DNER: variants seen among roughly 807,000 people sequenced by gnomAD.
The protein encoded by DNER is delta/notch like EGF repeat containing.
Under a neutral mutation model 78.2 loss-of-function variants are expected in DNER, and 33 were observed. The observed-to-expected ratio is 0.42, with a 90% CI of 0.32 to 0.56. DNER has a LOEUF of 0.56. DNER is among the 20% of genes least tolerant of loss of function. The probability of loss-of-function intolerance (pLI) is 0.11; values close to 1 mark genes in which losing one functional copy is unlikely to be tolerated. For synonymous variants in DNER, 417 were observed against 384.8 expected, an observed-to-expected ratio of 1.08 and a Z score of -0.98; for missense variants, 918 against 975.3, an observed-to-expected ratio of 0.94 and a Z score of 0.78.
chr2:229,535,763 C>G (rs1696391225), intron 5 of DNER, among the ~76,000 whole-genome samples: 1 of 152,120 alleles, frequency 6.6e-6, no homozygotes, highest in Non-Finnish European at 1.5e-5. Flanking sequence ...CCTGCCTCAG[C>G]CTCCCTAGTA....
intron 6 of DNER, among the ~76,000 whole-genome samples, chr2:229,502,537 G>C (rs569819846): frequency 6.6e-6 from 1 of 152,242 alleles, no homozygotes; most frequent in South Asian, 2.1e-4. Flanking sequence ...TGGCAGCCCG[G>C]GGAGCTACAA....
chr2:229,613,532 G>A (rs948592573), intron 1 of DNER, among the ~76,000 whole-genome samples: 1 of 152,044 alleles, frequency 6.6e-6, no homozygotes, highest in Non-Finnish European at 1.5e-5. Context: ...CATTTCAGAG[G>A]TGAGACATCT....
intron 11 of DNER, among the ~76,000 whole-genome samples, chr2:229,370,479 T>A (rs721943): frequency 0.72 from 109,495 of 152,082 alleles, 40,091 homozygotes; most frequent in East Asian, 0.91. Flanking sequence ...ACAGGCAGAC[T>A]GAGTAACATA....
intron 1 of DNER, among the ~76,000 whole-genome samples, chr2:229,640,267 T>A (rs1257605492): frequency 6.6e-6 from 1 of 152,240 alleles, no homozygotes; most frequent in Non-Finnish European, 1.5e-5. Flanking sequence ...TGTTCTCAGC[T>A]CTGATTTGCA....
intron 10 of DNER, among the ~76,000 whole-genome samples, chr2:229,389,755 C>T (rs1692976992): frequency 6.6e-6 from 1 of 152,188 alleles, no homozygotes; most frequent in Non-Finnish European, 1.5e-5. Flanking sequence ...ATGTCTGTTT[C>T]ATCTCACACT....
chr2:229,419,472 G>A (rs1186220914), intron 8 of DNER, among the ~76,000 whole-genome samples: 1 of 152,136 alleles, frequency 6.6e-6, no homozygotes, highest in Admixed American at 6.6e-5. Flanking sequence ...CTTTTCCCTA[G>A]CCTTTCCAGC....
chr2:229,675,171 A>G (rs894678829), intron 1 of DNER, among the ~76,000 whole-genome samples: 3 of 152,202 alleles, frequency 2.0e-5, no homozygotes, highest in African/African-American at 7.2e-5. Flanking sequence ...ATATGACAGA[A>G]GCCTCCAAAG....
intron 6 of DNER, among the ~76,000 whole-genome samples, chr2:229,479,450 T>A (rs1695107082): frequency 6.6e-6 from 1 of 152,254 alleles, no homozygotes; most frequent in East Asian, 1.9e-4. Flanking sequence ...CGGTAGCTCA[T>A]GCCTGTAATC....
intron 9 of DNER, among the ~76,000 whole-genome samples, chr2:229,413,607 C>T (rs1020146223): frequency 1.3e-5 from 2 of 151,424 alleles, no homozygotes; most frequent in African/African-American, 4.8e-5. Flanking sequence ...AGGTGTGAGC[C>T]ACCGCCCCCG....
chr2:229,445,202 A>G (rs962396317), intron 8 of DNER, among the ~76,000 whole-genome samples: 7 of 152,234 alleles, frequency 4.6e-5, no homozygotes, highest in African/African-American at 7.2e-5. Context: ...CACATTCCCA[A>G]TAGGTAAGGG....
intron 1 of DNER, among the ~76,000 whole-genome samples, chr2:229,602,732 T>G (rs1697853801): frequency 6.6e-6 from 1 of 152,190 alleles, no homozygotes; most frequent in African/African-American, 2.4e-5. Context: ...AAATTCCTAG[T>G]AATAAATCAA....
intron 11 of DNER, among the ~76,000 whole-genome samples, chr2:229,369,906 C>T (rs1692442873): frequency 6.6e-6 from 1 of 152,088 alleles, no homozygotes; most frequent in Non-Finnish European, 1.5e-5. Flanking sequence ...CACACCACCA[C>T]CACCACCATT....
intron 6 of DNER, among the ~76,000 whole-genome samples, chr2:229,504,334 C>T (rs1342711215): frequency 6.6e-6 from 1 of 152,174 alleles, no homozygotes; most frequent in Non-Finnish European, 1.5e-5. Flanking sequence ...ATTCTCCTGC[C>T]TCAGCCTCCC....
intron 1 of DNER, among the ~76,000 whole-genome samples, chr2:229,675,081 T>C (rs969575770): frequency 6.6e-6 from 1 of 152,206 alleles, no homozygotes; most frequent in African/African-American, 2.4e-5. Flanking sequence ...TGTCGACACA[T>C]GTGCATGTCT....
chr2:229,446,291 C>T (rs1468213727), intron 8 of DNER, among the ~76,000 whole-genome samples: 1 of 152,204 alleles, frequency 6.6e-6, no homozygotes, highest in East Asian at 1.9e-4. Flanking sequence ...CAGTTCCTCC[C>T]AGCCCTAAGG....
At chr2:229,670,354 T>C (rs1406080192) in intron 1 of DNER, among the ~76,000 whole-genome samples, 1 of 152,220 alleles carries the variant, frequency 6.6e-6, no homozygotes, top group Non-Finnish European at 1.5e-5. Context: ...CAAGGCTGCG[T>C]GTGATGCTGC....
chr2:229,384,395 A>G (rs951249708), intron 11 of DNER, among the ~76,000 whole-genome samples: 1 of 152,326 alleles, frequency 6.6e-6, no homozygotes, highest in Middle Eastern at 3.4e-3. Flanking sequence ...GCAGAAGACA[A>G]GAAATAACTA....
chr2:229,582,872 C>T (rs1008408240), intron 4 of DNER, among the ~76,000 whole-genome samples: 25 of 152,062 alleles, frequency 1.6e-4, no homozygotes, highest in African/African-American at 1.2e-4. Context: ...ATCTCCTGAC[C>T]GCGTGATCCA....
At chr2:229,467,113 G>A (rs773349748) in intron 7 of DNER, among the ~76,000 whole-genome samples, 8 of 152,178 alleles carry the variant, frequency 5.3e-5, no homozygotes, top group African/African-American at 1.9e-4. Context: ...CCTTGTGAGT[G>A]TCCTGGGTCG....
Sources: gnomAD v4.1 joint callset for allele counts (sites outside exome capture counted in the v4.1 genomes callset) on GRCh38, gnomAD v4.1.1 for gene constraint, MANE v1.5 for transcripts, NCBI Gene and HGNC (gene_info 2026-07-23, HGNC 2026-07-21) for gene names.